Variants in KIF21A observed in about 807,000 individuals in gnomAD.
KIF21A encodes the protein kinesin family member 21A, also known as kinesin-like protein KIF21A.
In KIF21A, 114 loss-of-function variants were observed where a neutral mutation model predicts 202.9. That is an observed-to-expected ratio of 0.56 (90% confidence interval 0.48 to 0.66). The LOEUF is 0.66. Among genes scored for constraint, KIF21A ranks in the 30% least tolerant of loss-of-function variants. KIF21A has a pLI of 0.00. For missense variants in KIF21A, 1,677 were observed against 1,994.9 expected (o/e 0.84, Z 3.04); for synonymous variants, 667 against 670.8 (o/e 0.99, Z 0.09).
chr12:39,367,731 T>C (rs1305375687), intron 4 of KIF21A, 152 bp downstream of exon 4: 1 of 641,622 alleles, frequency 1.6e-6, no homozygotes, highest in Non-Finnish European at 2.7e-6. Context: ...ATATTCTGAT[T>C]TTTTAAATGT....
chr12:39,363,468 T>A (rs1464854275), intron 6 of KIF21A, among the ~76,000 whole-genome samples: 2 of 152,080 alleles, frequency 1.3e-5, no homozygotes, highest in Non-Finnish European at 2.9e-5. Context: ...GAAATAAGAT[T>A]GACAACTTTA....
At chr12:39,369,071 A>G (rs1949785302) in intron 3 of KIF21A, among the ~76,000 whole-genome samples, 1 of 152,150 alleles carries the variant, frequency 6.6e-6, no homozygotes, top group Non-Finnish European at 1.5e-5. Context: ...CAGACCTATT[A>G]TTTCTCACAT....
chr12:39,306,088 C>A (rs1176303917), intron 34 of KIF21A, among the ~76,000 whole-genome samples: 2 of 152,072 alleles, frequency 1.3e-5, no homozygotes, highest in African/African-American at 4.8e-5. Context: ...TAACAATGAA[C>A]CTTCGTTTCA....
intron 3 of KIF21A, among the ~76,000 whole-genome samples, chr12:39,369,257 G>A (rs1026559760): frequency 2.0e-5 from 3 of 152,054 alleles, no homozygotes; most frequent in East Asian, 1.9e-4. Flanking sequence ...CCAGGAGTTC[G>A]AGACCAGCCT....
chr12:39,315,729 A>G, intron 30 of KIF21A: 1 of 630,636 alleles, frequency 1.6e-6, no homozygotes, highest in Non-Finnish European at 2.9e-6. Context: ...TTAAACTATT[A>G]TACAAAAAAA....
Position 39,319,706 on chromosome 12 carries a change from T to A in KIF21A, c.3779+200A>T, listed in dbSNP as rs117384858. ...ACATGATCAGGGACAAGTGCTCAAA[T>A]ATCTTTACAGGTATATGTATGACCA... On this transcript the variant is annotated intron_variant, in intron 28 of 37. Coordinates refer to ENST00000361418, the MANE Select transcript of KIF21A (RefSeq NM_001173464.2). Among the ~76,000 whole-genome samples the A allele has an allele frequency of 1.1e-3, 172 of 152,242 alleles. 2 individuals are homozygous for A. In the East Asian group the frequency reaches 0.031, roughly 28 times the overall value.
intron 1 of KIF21A, among the ~76,000 whole-genome samples, chr12:39,439,583 C>T (rs781698154): frequency 1.7e-4 from 26 of 152,072 alleles, no homozygotes; most frequent in Non-Finnish European, 3.7e-4. Context: ...TTTATGATAA[C>T]TGGATGAAGG....
At chr12:39,347,234 G>A (rs574966613) in intron 11 of KIF21A, among the ~76,000 whole-genome samples, 2 of 149,628 alleles carry the variant, frequency 1.3e-5, no homozygotes, top group South Asian at 4.2e-4. Flanking sequence ...AAGCAACAGT[G>A]GCAAAAAAAA....
intron 11 of KIF21A, among the ~76,000 whole-genome samples, chr12:39,347,265 T>C (rs1389795442): frequency 2.6e-5 from 4 of 151,304 alleles, no homozygotes; most frequent in African/African-American, 9.7e-5. Context: ...GGGAGAAAAG[T>C]AGTACTTTCC....
At chr12:39,390,105 C>T (rs9668320) in intron 1 of KIF21A, among the ~76,000 whole-genome samples, 1,986 of 152,244 alleles carry the variant, frequency 0.013, 23 homozygotes, top group Non-Finnish European at 0.02. Context: ...ATACACCTAA[C>T]CTCCTATATA....
chr12:39,370,170 C>CT lies in KIF21A; in HGVS notation c.135dup (p.Asp46ArgfsTer2). On this transcript the variant is annotated frameshift_variant, in exon 2 of 38. Transcript: ENST00000361418. LOFTEE classifies it high-confidence loss of function. ...ACATAGTCAAAAGTAAAAGCCTTAT[C>CT]TTTCCCTAGGAAGACCTGAGGCTCT... 6.2e-7 allele frequency: 1 copy of CT among 1,613,600 alleles called. No homozygotes were observed. Among genetic ancestry groups the CT allele is most frequent in the Non-Finnish European group, 8.5e-7 (1 of 1,179,658 alleles).
At chr12:39,318,393 C>T (rs1415942439) in intron 28 of KIF21A, among the ~76,000 whole-genome samples, 192 bp from the exon 29 acceptor site, 1 of 151,986 alleles carries the variant, frequency 6.6e-6, no homozygotes, top group Non-Finnish European at 1.5e-5. Context: ...GTTACATTGG[C>T]CACAAGATGG....
chr12:39,391,480 G>A (rs1408350657), intron 1 of KIF21A, among the ~76,000 whole-genome samples: 1 of 152,026 alleles, frequency 6.6e-6, no homozygotes, highest in Admixed American at 6.6e-5. Context: ...GCTCACGTCT[G>A]TAATCCCAGA....
intron 1 of KIF21A, among the ~76,000 whole-genome samples, chr12:39,391,307 A>T (rs75717909): frequency 0.1 from 15,525 of 150,946 alleles, 1,679 homozygotes; most frequent in African/African-American, 0.28. Context: ...AATAAAAAAA[A>T]TTTTTTTTTT....
Position 39,309,837 on chromosome 12 carries a change from A to T in KIF21A, c.4097-71T>A, listed in dbSNP as rs547699058. ...ACTTTAGGTTCTCTTAACAATAAAA[A>T]TTATTTAAATAATTTCTCTTCTATG... On this transcript the variant is annotated intron_variant, in intron 32 of 37. Transcript: ENST00000361418. The T allele has an allele frequency of 3.4e-5, 42 of 1,236,410 alleles. No homozygotes were observed. The South Asian group carries it at 5.6e-4, about 16-fold the overall frequency. 76.6% of individuals were successfully genotyped at this position (1,236,410 alleles called of 1,614,324 possible).
intron 1 of KIF21A, among the ~76,000 whole-genome samples, chr12:39,440,394 AATCT>A (rs1259407725): frequency 2.0e-5 from 3 of 152,198 alleles, no homozygotes; most frequent in Non-Finnish European, 4.4e-5. Context: ...TGGTTTACTT[AATCT>A]TTCTGTGCCT....
intron 37 of KIF21A, 84 bp from the exon 38 acceptor site, chr12:39,294,601 A>C (rs959848163): frequency 1.9e-6 from 2 of 1,054,072 alleles, no homozygotes; most frequent in African/African-American, 3.1e-5. Context: ...TATCATGGAA[A>C]TATTTTCTAC....
intron 1 of KIF21A, among the ~76,000 whole-genome samples, chr12:39,380,488 T>G (rs1950545908): frequency 6.6e-6 from 1 of 152,248 alleles, no homozygotes; most frequent in Non-Finnish European, 1.5e-5. Flanking sequence ...GTATCATCTT[T>G]GTTGGTCAAT....
chr12:39,341,529 AT>A lies in KIF21A; in HGVS notation c.1896del (p.Glu632AspfsTer29). On this transcript the variant is annotated frameshift_variant, in exon 14 of 38. Coordinates refer to ENST00000361418, the MANE Select transcript of KIF21A (RefSeq NM_001173464.2). LOFTEE classifies it high-confidence loss of function. ...CCTTTTTCATCTGATTCAGAATCTG[AT>A]TCATCAGAACTTTCACCCCCATCAA... is the stretch of plus-strand genomic sequence containing the variant. ...DDIDGGESSD[E>X]SDSESDEKAN... 6.2e-7 allele frequency: 1 copy of A among 1,613,222 alleles called. No individual in the cohort carries two copies. Among genetic ancestry groups the A allele is most frequent in the Non-Finnish European group, 8.5e-7 (1 of 1,179,592 alleles).
Sources: allele counts gnomAD v4.1 joint callset (sites outside exome capture counted in the v4.1 genomes callset), GRCh38; gene constraint gnomAD v4.1.1; transcripts MANE v1.5; gene names NCBI Gene and HGNC (gene_info 2026-07-23, HGNC 2026-07-21).